The following SERGEF variants were observed in gnomAD, a reference collection of about 807,000 sequenced individuals.
The protein encoded by SERGEF is secretion regulating guanine nucleotide exchange factor, also known as secretion-regulating guanine nucleotide exchange factor.
SERGEF carries 51 observed loss-of-function variants against 50.0 expected under a neutral mutation model. The observed-to-expected ratio is 1.02, with a 90% confidence interval of 0.81 to 1.29. The LOEUF is 1.29. Ranked by LOEUF, SERGEF falls within the 50% of genes most tolerant of loss-of-function variation. The pLI is 0.00. For missense variants in SERGEF, 521 were observed against 557.0 expected (o/e 0.94, Z 0.65); for synonymous variants, 205 against 212.4 (o/e 0.97, Z 0.30).
intron 10 of SERGEF, 110 bp downstream of exon 10, chr11:17,878,097 TA>T: frequency 1.3e-6 from 1 of 760,788 alleles, no homozygotes; most frequent in Non-Finnish European, 2.2e-6. Flanking sequence ...CAATCTCCCC[TA>T]ACACACATGC....
chr11:17,803,882 T>C (rs1021981133), intron 10 of SERGEF, among the ~76,000 whole-genome samples: 1 of 152,242 alleles, frequency 6.6e-6, no homozygotes, highest in Admixed American at 6.5e-5. Flanking sequence ...TTCAGATTAC[T>C]GTTTGTCTGA....
rs1029644243 is a variant in SERGEF, at chr11:17,884,451, C to T, written c.1012-6207G>A. Among the ~76,000 whole-genome samples, 2 of 152,156 alleles carry T rather than the reference C, an allele frequency of 1.3e-5. No homozygotes were observed. Among genetic ancestry groups the T allele is most frequent in the Admixed American group, 6.5e-5 (1 of 15,286 alleles). On this transcript the variant is annotated intron_variant, in intron 9 of 10. Transcript: ENST00000265965. This position sits in a 1 kb window ranked among gnomAD's most constrained non-coding sequence, Gnocchi z 4.6. ...GCCTTTGCTAGAGCTCTGCCCAAAC[C>T]CGGTTTCCATCCGTGTATCTCTGGG...
chr11:17,897,843 T>C (rs145449918), intron 9 of SERGEF, among the ~76,000 whole-genome samples: 1 of 152,078 alleles, frequency 6.6e-6, no homozygotes, highest in African/African-American at 2.4e-5. Context: ...AATGGGGAGG[T>C]CCACTCACAA....
intron 10 of SERGEF, among the ~76,000 whole-genome samples, chr11:17,796,978 C>T (rs532634548): frequency 1.3e-5 from 2 of 152,156 alleles, no homozygotes; most frequent in African/African-American, 2.4e-5. Context: ...GGGTTGGAGG[C>T]AAGGAGGCCA....
chr11:17,936,403 G>A (rs967243717), intron 9 of SERGEF, among the ~76,000 whole-genome samples: 31 of 152,142 alleles, frequency 2.0e-4, no homozygotes, highest in African/African-American at 6.0e-4. Context: ...TGTGCTAAAA[G>A]CATTATGTAA....
chr11:17,971,113 G>C lies in SERGEF; in HGVS notation c.845-11477C>G, dbSNP rs548349544. ...GGAAGCTGAGGCAGGAGAATCGCTT[G>C]AACCCAGGAGGTGGAGGTTGCAGTA... On this transcript the variant is annotated intron_variant, in intron 8 of 10. Transcript: ENST00000265965. Among the ~76,000 whole-genome samples, 4 of 152,238 alleles carry C rather than the reference G, an allele frequency of 2.6e-5. No individual in the cohort carries two copies. The East Asian group carries it at 7.7e-4, about 29-fold the overall frequency.
Position 18,004,461 on chromosome 11 carries a change from C to G in SERGEF, c.427G>C (p.Val143Leu), listed in dbSNP as rs765151714. Residue 143 changes from valine to leucine, a missense_variant, in exon 4 of 11, where the codon GTG becomes CTG. Val to Leu is a conservative substitution (Grantham distance 32, BLOSUM62 1). Transcript: ENST00000265965. ...LGVPHGPRRC[V>L]VPQAIELHKE... ...CTCACCTCAATGGCCTGGGGAACCA[C>G]ACATCTTCGAGGTCCATGAGGAACT... The G allele has an allele frequency of 6.2e-7, 1 of 1,613,794 alleles. No individual in the cohort carries two copies. Among genetic ancestry groups the G allele is most frequent in the Admixed American group, 1.7e-5 (1 of 60,004 alleles).
intron 9 of SERGEF, among the ~76,000 whole-genome samples, chr11:17,887,056 T>C (rs1439859551): frequency 6.6e-6 from 1 of 151,780 alleles, no homozygotes; most frequent in Non-Finnish European, 1.5e-5. Flanking sequence ...AAGGTTAAGA[T>C]GAGGAGGAGG....
intron 9 of SERGEF, among the ~76,000 whole-genome samples, chr11:17,898,893 G>C (rs1383460651): frequency 6.6e-6 from 1 of 152,088 alleles, no homozygotes; most frequent in Non-Finnish European, 1.5e-5. Flanking sequence ...GAGGTGACTG[G>C]ATCATAGGCG....
chr11:17,999,225 T>C (rs1022068190), intron 5 of SERGEF, among the ~76,000 whole-genome samples: 2 of 152,192 alleles, frequency 1.3e-5, no homozygotes, highest in Admixed American at 1.3e-4. Context: ...GGTGTGGCTA[T>C]AGAAAGGCAA....
intron 10 of SERGEF, among the ~76,000 whole-genome samples, chr11:17,800,128 T>C (rs1414148815): frequency 2.0e-5 from 3 of 152,224 alleles, no homozygotes; most frequent in African/African-American, 7.2e-5. Context: ...AATGGGTTAA[T>C]ACTTTTAATA....
chr11:17,906,602 C>T (rs1317269654), intron 9 of SERGEF, among the ~76,000 whole-genome samples: 1 of 152,188 alleles, frequency 6.6e-6, no homozygotes, highest in Non-Finnish European at 1.5e-5. Context: ...CCTTCTGCAG[C>T]CTCTGCAGGT....
chr11:17,813,958 G>A (rs776734783), intron 10 of SERGEF, among the ~76,000 whole-genome samples: 9 of 152,182 alleles, frequency 5.9e-5, no homozygotes, highest in Non-Finnish European at 1.0e-4. Flanking sequence ...GAGACAGAAG[G>A]GACACACAGA....
At chr11:17,851,202 CGGG>C (rs1565185095) in intron 10 of SERGEF, among the ~76,000 whole-genome samples, 38 of 151,884 alleles carry the variant, frequency 2.5e-4, no homozygotes, top group Non-Finnish European at 3.7e-4. Context: ...TCCTGTGAGA[CGGG>C]TGCTATTATC....
intron 8 of SERGEF, 113 bp from the exon 9 acceptor site, chr11:17,959,749 G>A: frequency 1.1e-6 from 1 of 895,934 alleles, no homozygotes; most frequent in Non-Finnish European, 1.7e-6. Context: ...CCTACCAGGA[G>A]CCTTCCTATC....
intron 9 of SERGEF, among the ~76,000 whole-genome samples, chr11:17,921,642 C>CTA (rs1312554238): frequency 6.6e-6 from 1 of 152,142 alleles, no homozygotes; most frequent in Non-Finnish European, 1.5e-5. Flanking sequence ...ACAAAAAGGG[C>CTA]TATGAGGGTG....
chr11:17,862,650 A>C (rs923513632), intron 10 of SERGEF, among the ~76,000 whole-genome samples: 1 of 152,228 alleles, frequency 6.6e-6, no homozygotes, highest in African/African-American at 2.4e-5. Flanking sequence ...GACAGCAGTC[A>C]TAGGACAGGT....
At chr11:17,983,055 G>A (rs943057733) in intron 8 of SERGEF, among the ~76,000 whole-genome samples, 1 of 152,124 alleles carries the variant, frequency 6.6e-6, no homozygotes, top group Non-Finnish European at 1.5e-5. Flanking sequence ...GCTCTTTAAG[G>A]TAACACTGAA....
intron 10 of SERGEF, among the ~76,000 whole-genome samples, chr11:17,845,383 G>A (rs1850588621): frequency 6.6e-6 from 1 of 152,222 alleles, no homozygotes; most frequent in Admixed American, 6.5e-5. Context: ...AGAAGACTCA[G>A]TAGAGCTCAC....
Sources: gnomAD v4.1 joint callset for allele counts (sites outside exome capture counted in the v4.1 genomes callset) on GRCh38, gnomAD v4.1.1 for gene constraint, Gnocchi (gnomAD v3.1) non-coding constraint, MANE v1.5 for transcripts, NCBI Gene and HGNC (gene_info 2026-07-23, HGNC 2026-07-21) for gene names.